The following PPT2 variants were observed in gnomAD, a reference collection of about 807,000 sequenced individuals.
PPT2 encodes the protein palmitoyl-protein thioesterase 2, also known as lysosomal thioesterase PPT2.
PPT2 carries 20 observed loss-of-function variants against 37.3 expected under a neutral mutation model. The ratio of observed to expected loss-of-function variants is 0.54; its 90% confidence interval spans 0.38 to 0.78. The LOEUF is 0.78. PPT2 is among the 30% of genes least tolerant of loss of function. The probability of loss-of-function intolerance (pLI) is 0.00; values close to 1 mark genes in which losing one functional copy is unlikely to be tolerated. For synonymous variants in PPT2, 135 were observed against 159.1 expected (o/e 0.85, Z 1.14); for missense variants, 270 against 389.8 (o/e 0.69, Z 2.59).
At chr6:32,153,592 G>A, upstream of PPT2, 1 of 1,519,698 alleles carries the variant, frequency 6.6e-7, no homozygotes, top group Non-Finnish European at 8.9e-7. The surrounding 1 kb of genome is among the most constrained non-coding windows in gnomAD (Gnocchi z 4.4). Context: ...GACTCTCTGC[G>A]TCTCTGGAGA....
At chr6:32,158,051 A>G in intron 7 of PPT2, 127 bp downstream of exon 7, 1 of 838,472 alleles carries the variant, frequency 1.2e-6, no homozygotes, top group South Asian at 1.8e-5. Flanking sequence ...CCCATTCATC[A>G]TGTCACCCAA....
At position 32,154,565 on chromosome 6, in the gene PPT2, GC is replaced by G; in HGVS notation, c.-8-19del. On this transcript the variant is annotated intron_variant, in intron 1 of 8. Transcript: ENST00000324816. The surrounding 1 kb of genome is among the most constrained non-coding windows in gnomAD (Gnocchi z 7.3). ...GAGGGTGTTGCCATCTCCCTCACAT[GC>G]CCTTATCACCCCTTTCTCAGGCGGG... The G allele has an allele frequency of 1.9e-6, 3 of 1,593,952 alleles. No individual in the cohort carries two copies. Among genetic ancestry groups the G allele is most frequent in the Non-Finnish European group, 2.6e-6 (3 of 1,167,866 alleles).
At position 32,162,548 on chromosome 6, in the gene PPT2, C is replaced by G. The variant is rs933744780; in HGVS notation, c.711-20C>G. ...TTTTCTCCAGCTCTTCTGATAACCTCCCCCCAAATCTCTTTGTAGCTTCTT... is the reference window on the plus strand; with the variant it reads ...TTTTCTCCAGCTCTTCTGATAACCTGCCCCCAAATCTCTTTGTAGCTTCTT... On this transcript the variant is annotated intron_variant, in intron 7 of 8. Transcript: ENST00000324816. This position sits in a 1 kb window ranked among gnomAD's most constrained non-coding sequence, Gnocchi z 5.5. 3.8e-6 allele frequency: 6 copies of G among 1,597,968 alleles called. No homozygotes were observed. In the African/African-American group the frequency reaches 6.7e-5, roughly 18 times the overall value.
In PPT2 at chr6:32,155,675, G is replaced by A. The variant is rs1019615980; in HGVS notation, c.338-13G>A. ...TCCTTAAGTGCCTGCCCAATGTGGT[G>A]TTCTGCTTACAGGGGGCCTTGTGTG... On this transcript the variant is annotated splice_polypyrimidine_tract_variant and intron_variant, in intron 3 of 8. Coordinates refer to ENST00000324816, the MANE Select transcript of PPT2 (RefSeq NM_005155.7). This position sits in a 1 kb window ranked among gnomAD's most constrained non-coding sequence, Gnocchi z 4.3. The A allele has an allele frequency of 6.2e-7, 1 of 1,612,724 alleles. No homozygotes were observed. The highest frequency in any genetic ancestry group is 8.5e-7 in the Non-Finnish European group (1 of 1,179,118).
In PPT2 at chr6:32,156,075, C is replaced by A; in HGVS notation, c.541+97C>A. 1 of 976,812 alleles carries A rather than the reference C, an allele frequency of 1.0e-6. No individual in the cohort carries two copies. The highest frequency in any genetic ancestry group is 1.6e-6 in the Non-Finnish European group (1 of 628,068). The allele number at this position is 976,812 out of a possible 1,614,324, so 60.5% of individuals were successfully genotyped here. On this transcript the variant is annotated intron_variant, in intron 5 of 8. Coordinates refer to ENST00000324816, the MANE Select transcript of PPT2 (RefSeq NM_005155.7). The surrounding 1 kb of genome is among the most constrained non-coding windows in gnomAD (Gnocchi z 4.9). ...CAGTGATGACAATAAAGATAACTTACATTTATTGAGTTATTTGAACAGGCT... is the reference window on the plus strand; with the variant it reads ...CAGTGATGACAATAAAGATAACTTAAATTTATTGAGTTATTTGAACAGGCT...
rs1784198921 is a variant in PPT2, at chr6:32,162,082, A to G, written c.711-486A>G. Among the ~76,000 whole-genome samples the G allele has an allele frequency of 6.6e-6, 1 of 152,128 alleles. No homozygotes were observed. Among genetic ancestry groups the G allele is most frequent in the African/African-American group, 2.4e-5 (1 of 41,416 alleles). On this transcript the variant is annotated intron_variant, in intron 7 of 8. Transcript: ENST00000324816. The surrounding 1 kb of genome is among the most constrained non-coding windows in gnomAD (Gnocchi z 5.5). ...CGTATCTTCAGTGTATCACCTCATGAAGTACATTATATCCAGTAAGGTAGT... is the reference window on the plus strand; with the variant it reads ...CGTATCTTCAGTGTATCACCTCATGGAGTACATTATATCCAGTAAGGTAGT...
Position 32,162,631 on chromosome 6 carries a change from C to A in PPT2, c.765+9C>A. ...AGATGGAGGAGCAACTGGTGAGCCC[C>A]CTGGGATTACTTCCCCTTCTAGCCG... On this transcript the variant is annotated intron_variant, in intron 8 of 8. Transcript: ENST00000324816. The surrounding 1 kb of genome is among the most constrained non-coding windows in gnomAD (Gnocchi z 5.5). The A allele has an allele frequency of 1.1e-5, 18 of 1,602,350 alleles. No homozygotes were observed. The highest frequency in any genetic ancestry group is 1.5e-5 in the Non-Finnish European group (17 of 1,169,346).
At chr6:32,160,291 C>T (rs1276702189) in intron 7 of PPT2, among the ~76,000 whole-genome samples, 13 of 149,796 alleles carry the variant, frequency 8.7e-5, no homozygotes, top group Admixed American at 1.3e-4. Flanking sequence ...GTGATCCACC[C>T]GCCTCGGCCT....
rs2127385046 is a variant in PPT2 at position 32,154,196 on chromosome 6, A to G, written c.-217A>G. ...TTCCCCCCGCCACCGTGGGTTCCAG[A>G]CTTGGGATAAGTAAACAGCGGGTGG... On this transcript the variant is annotated 5_prime_UTR_variant, in exon 1 of 9. Transcript: ENST00000324816. The surrounding 1 kb of genome is among the most constrained non-coding windows in gnomAD (Gnocchi z 7.3). 8.9e-7 allele frequency: 1 copy of G among 1,119,728 alleles called. No homozygotes were observed. Among genetic ancestry groups the G allele is most frequent in the Non-Finnish European group, 1.1e-6 (1 of 915,166 alleles). The allele number at this position is 1,119,728 out of a possible 1,614,324, so 69.4% of individuals were successfully genotyped here.
chr6:32,162,953 A>C lies in PPT2; in HGVS notation c.*3A>C. 6 of 1,610,432 alleles carry C rather than the reference A, an allele frequency of 3.7e-6. No individual in the cohort carries two copies. The highest frequency in any genetic ancestry group is 5.1e-6 in the Non-Finnish European group (6 of 1,178,652). ...GCATTGAACCTTGGCTCTCCTGAGG[A>C]TATATTCAGGGGTCCCCAGGAACTC... On this transcript the variant is annotated 3_prime_UTR_variant, in exon 9 of 9. Transcript: ENST00000324816. The surrounding 1 kb of genome is among the most constrained non-coding windows in gnomAD (Gnocchi z 5.5).
At position 32,162,737 on chromosome 6, in the gene PPT2, A is replaced by G. The variant is rs1245890358; in HGVS notation, c.766-70A>G. 8.4e-5 allele frequency: 134 copies of G among 1,591,084 alleles called. No homozygotes were observed. Among genetic ancestry groups the G allele is most frequent in the Non-Finnish European group, 1.1e-4 (131 of 1,160,198 alleles). On this transcript the variant is annotated intron_variant, in intron 8 of 8. Transcript: ENST00000324816. The surrounding 1 kb of genome is among the most constrained non-coding windows in gnomAD (Gnocchi z 5.5). ...CTGTGGGGAGGAGGTCCAGGATCCC[A>G]GCAGTAACTCACTTTGTCTCTCCTT... is the stretch of plus-strand genomic sequence containing the variant.
In PPT2 at chr6:32,157,875, G is replaced by A. The variant is rs1398110703; in HGVS notation, c.661G>A (p.Val221Met). Residue 221 changes from valine to methionine, a missense_variant, in exon 7 of 9, where the codon GTG becomes ATG. Physicochemically the swap from Val to Met is conservative, Grantham distance 21 (BLOSUM62 1). Coordinates refer to ENST00000324816, the MANE Select transcript of PPT2 (RefSeq NM_005155.7). ...RKNFLRVGHL[V>M]LIGGPDDGVI... ...GAACTTTCTGCGTGTGGGCCACCTGGTGCTGATTGGGGGCCCTGATGATGG... is the reference window on the plus strand; with the variant it reads ...GAACTTTCTGCGTGTGGGCCACCTGATGCTGATTGGGGGCCCTGATGATGG... The A allele has an allele frequency of 6.2e-6, 10 of 1,612,820 alleles. No homozygotes were observed. Among genetic ancestry groups the A allele is most frequent in the African/African-American group, 2.7e-5 (2 of 74,902 alleles).
chr6:32,157,578 T>C, intron 5 of PPT2, 59 bp from the exon 6 acceptor site: 1 of 1,423,934 alleles, frequency 7.0e-7, no homozygotes, highest in South Asian at 1.1e-5. Flanking sequence ...TATTGGGCTT[T>C]TCACCACCAG....
intron 5 of PPT2, 62 bp from the exon 6 acceptor site, chr6:32,157,575 C>A: frequency 7.2e-7 from 1 of 1,392,748 alleles, no homozygotes; most frequent in Non-Finnish European, 1.0e-6. Flanking sequence ...CCTTATTGGG[C>A]TTTTCACCAC....
Position 32,154,250 on chromosome 6 carries a change from G to T in PPT2, c.-163G>T. On this transcript the variant is annotated 5_prime_UTR_variant, in exon 1 of 9. Coordinates refer to ENST00000324816, the MANE Select transcript of PPT2 (RefSeq NM_005155.7). The surrounding 1 kb of genome is among the most constrained non-coding windows in gnomAD (Gnocchi z 7.3). ...GAGGCCTACGGACCCAGGCCAGGTG[G>T]GAGTCTGCACTCTTCAAGGGGCCTG... The T allele has an allele frequency of 8.2e-7, 1 of 1,212,628 alleles. No individual in the cohort carries two copies. The highest frequency in any genetic ancestry group is 3.2e-5 in the South Asian group (1 of 31,512). The allele number at this position is 1,212,628 out of a possible 1,614,324, so 75.1% of individuals were successfully genotyped here. A position where few individuals can be genotyped will look rare whatever the true frequency, so the allele number is the denominator to read the frequency against.
chr6:32,155,691 G>T lies in PPT2; in HGVS notation c.341G>T (p.Gly114Val). ...GVHLICYSQGGLVCRALLSVM... is the reference protein window; with the variant it reads ...GVHLICYSQGVLVCRALLSVM... ...CAATGTGGTGTTCTGCTTACAGGGG[G>T]CCTTGTGTGCCGGGCTCTGCTTTCT... is the stretch of plus-strand genomic sequence containing the variant. Residue 114 changes from glycine to valine, a missense_variant, in exon 4 of 9, where the codon GGC becomes GTC. Transcript: ENST00000324816. This position sits in a 1 kb window ranked among gnomAD's most constrained non-coding sequence, Gnocchi z 4.3. 6.2e-7 allele frequency: 1 copy of T among 1,613,762 alleles called. No individual in the cohort carries two copies. Among genetic ancestry groups the T allele is most frequent in the Non-Finnish European group, 8.5e-7 (1 of 1,179,938 alleles).
chr6:32,155,708 C>G lies in PPT2; in HGVS notation c.358C>G (p.Leu120Val), dbSNP rs1351482949. ...TACAGGGGGCCTTGTGTGCCGGGCT[C>G]TGCTTTCTGTCATGGATGATCACAA... is the stretch of plus-strand genomic sequence containing the variant. ...YSQGGLVCRA[L>V]LSVMDDHNVD... Residue 120 changes from leucine to valine, a missense_variant, in exon 4 of 9, where the codon CTG (leucine) becomes GTG (valine). Coordinates refer to ENST00000324816, the MANE Select transcript of PPT2 (RefSeq NM_005155.7). This position sits in a 1 kb window ranked among gnomAD's most constrained non-coding sequence, Gnocchi z 4.3. 13 of 1,613,888 alleles carry G rather than the reference C, an allele frequency of 8.1e-6. No homozygotes were observed. The highest frequency in any genetic ancestry group is 1.3e-5 in the African/African-American group (1 of 74,842).
upstream of PPT2, chr6:32,153,590 G>T: frequency 6.3e-7 from 1 of 1,591,044 alleles, no homozygotes; most frequent in Non-Finnish European, 8.6e-7. This position sits in a 1 kb window ranked among gnomAD's most constrained non-coding sequence, Gnocchi z 4.4. Flanking sequence ...AGGACTCTCT[G>T]CGTCTCTGGA....
At chr6:32,158,978 CT>C (rs999028338) in intron 7 of PPT2, among the ~76,000 whole-genome samples, 1 of 151,054 alleles carries the variant, frequency 6.6e-6, no homozygotes, top group Non-Finnish European at 1.5e-5. Context: ...ATTTTTTTTT[CT>C]TTTTTTTGTG....
Sources: allele counts gnomAD v4.1 joint callset (sites outside exome capture counted in the v4.1 genomes callset), GRCh38; gene constraint gnomAD v4.1.1; non-coding constraint Gnocchi (gnomAD v3.1); transcripts MANE v1.5; gene names NCBI Gene and HGNC (gene_info 2026-07-23, HGNC 2026-07-21).